The following NCOR1 variants were observed in gnomAD, a reference collection of about 807,000 sequenced individuals.
NCOR1 encodes protein phosphatase 1, regulatory subunit 109.
A neutral mutation model predicts 288.1 loss-of-function variants in NCOR1; 63 were observed. The ratio of observed to expected loss-of-function variants is 0.22; its 90% CI spans 0.18 to 0.27. The LOEUF is 0.27. NCOR1 is among the 10% of genes least tolerant of loss of function. NCOR1 has a pLI of 1.00. For missense variants in NCOR1, 2,397 were observed against 3,019.2 expected (o/e 0.79, Z 4.83); for synonymous variants, 1,007 against 1,065.9 (o/e 0.94, Z 1.08).
intron 2 of NCOR1, among the ~76,000 whole-genome samples, chr17:16,188,344 G>C (rs2087213869): frequency 6.6e-6 from 1 of 152,184 alleles, no homozygotes; most frequent in Non-Finnish European, 1.5e-5. Context: ...TGGCACAGTG[G>C]CTCATGCCTG....
chr17:16,053,893 C>T (rs1002548398), intron 40 of NCOR1, among the ~76,000 whole-genome samples: 4 of 151,828 alleles, frequency 2.6e-5, no homozygotes, highest in African/African-American at 9.7e-5. Flanking sequence ...TAAGGCCTCA[C>T]ACCTACAACT....
At chr17:16,040,209 GTTCT>G in intron 43 of NCOR1, 1 of 631,810 alleles carries the variant, frequency 1.6e-6, no homozygotes, top group Non-Finnish European at 2.9e-6. Flanking sequence ...TTTTGACAGT[GTTCT>G]TTAATAGTTT....
chr17:16,183,230 C>CAAAAAAAAAAAAAAAAAAAAAAAAAAA (rs59665102), intron 3 of NCOR1, among the ~76,000 whole-genome samples: 5 of 64,086 alleles, frequency 7.8e-5, no homozygotes, highest in East Asian at 4.1e-4. Flanking sequence ...AGCAATCAAA[C>CAAAAAAAAAAAAAAAAAAAAAAAAAAA]AAAAAAAAAA....
At chr17:16,107,310 G>A (rs1197616253) in intron 19 of NCOR1, among the ~76,000 whole-genome samples, 2 of 152,016 alleles carry the variant, frequency 1.3e-5, no homozygotes, top group East Asian at 1.9e-4. Flanking sequence ...TTGAAGACGA[G>A]GCCTTTAAGG....
At chr17:16,177,650 C>T (rs2084491076) in intron 3 of NCOR1, among the ~76,000 whole-genome samples, 1 of 152,098 alleles carries the variant, frequency 6.6e-6, no homozygotes, top group Admixed American at 6.6e-5. Context: ...GCTGTAACTG[C>T]CTCTGCTAAG....
chr17:16,184,829 G>T (rs544370364), intron 3 of NCOR1, among the ~76,000 whole-genome samples: 16 of 151,966 alleles, frequency 1.1e-4, no homozygotes, highest in African/African-American at 3.9e-4. Flanking sequence ...GTTTGTCAAT[G>T]AATGAATCAT....
intron 42 of NCOR1, among the ~76,000 whole-genome samples, chr17:16,044,179 A>G (rs1260396319): frequency 6.6e-6 from 1 of 151,726 alleles, no homozygotes. Flanking sequence ...AAAAAAAAAA[A>G]AAAAAAAAAG....
chr17:16,142,567 C>A (rs575395599), intron 11 of NCOR1, among the ~76,000 whole-genome samples: 1 of 152,100 alleles, frequency 6.6e-6, no homozygotes, highest in East Asian at 1.9e-4. Context: ...TCTTATTCTG[C>A]ATTTATTTAT....
Position 16,126,280 on chromosome 17 carries a change from T to G in NCOR1, c.1510-74A>C. ...GCTCCTTATAGTGTGATAAATTATG[T>G]CTATCTAAAAAAATTTTAAATGATT... is the stretch of plus-strand genomic sequence containing the variant. On this transcript the variant is annotated intron_variant, in intron 14 of 45. Coordinates refer to ENST00000268712, the MANE Select transcript of NCOR1 (RefSeq NM_006311.4). 2.2e-6 allele frequency: 3 copies of G among 1,392,008 alleles called. No homozygotes were observed. In the South Asian group the frequency reaches 5.4e-5, roughly 25 times the overall value. The allele number at this position is 1,392,008 out of a possible 1,614,324, so 86.2% of individuals were successfully genotyped here.
rs535265028 is a variant in NCOR1 at position 16,114,139 on chromosome 17, C to T, written c.2055+3749G>A. On this transcript the variant is annotated intron_variant, in intron 18 of 45. Transcript: ENST00000268712. ...CAAGTAACGTCTTACATGATGGCGG[C>T]AGGCAAAAAAAAAAAAAAAAAAAAA... 6.5e-4 allele frequency among the ~76,000 whole-genome samples: 19 copies of T among 29,180 alleles called. No homozygotes were observed. The East Asian group carries it at 8.4e-3, about 13-fold the overall frequency. 19.1% of individuals were successfully genotyped at this position (29,180 alleles called of 152,430 possible). A position where few individuals can be genotyped will look rare whatever the true frequency, so the allele number is the denominator to read the frequency against.
Position 16,105,284 on chromosome 17 carries a change from G to A in NCOR1, c.2182+3502C>T, listed in dbSNP as rs1225068982. On this transcript the variant is annotated intron_variant, in intron 19 of 45. Transcript: ENST00000268712. ...AAAAGTACATTAGTCAGGTGTGGTG[G>A]TACACGCCTATGGTCCCAGATACTT... Among the ~76,000 whole-genome samples, 7 of 152,264 alleles carry A rather than the reference G, an allele frequency of 4.6e-5. No homozygotes were observed. The South Asian group carries it at 1.2e-3, about 27-fold the overall frequency.
intron 42 of NCOR1, among the ~76,000 whole-genome samples, chr17:16,041,986 G>A (rs1050538797): frequency 5.9e-5 from 9 of 151,580 alleles, no homozygotes; most frequent in South Asian, 2.1e-4. Flanking sequence ...TGCCCGCCTC[G>A]GCCTCCCAAA....
intron 4 of NCOR1, among the ~76,000 whole-genome samples, chr17:16,168,227 T>A (rs901581926): frequency 2.0e-5 from 3 of 152,120 alleles, no homozygotes; most frequent in African/African-American, 7.2e-5. Context: ...TGAGATGAAG[T>A]CTCACTCTTG....
chr17:16,065,157 T>G, intron 33 of NCOR1, 138 bp from the exon 34 acceptor site: 1 of 839,702 alleles, frequency 1.2e-6, no homozygotes, highest in African/African-American at 1.7e-5. Context: ...CTATCATCAT[T>G]ACTTTTTAAG....
Position 16,057,576 on chromosome 17 carries a change from G to C in NCOR1, c.6330C>G (p.Val2110=). 6.2e-7 allele frequency: 1 copy of C among 1,614,114 alleles called. No homozygotes were observed. The highest frequency in any genetic ancestry group is 8.5e-7 in the Non-Finnish European group (1 of 1,180,024). The change falls in exon 40 of 46, where the codon GTC becomes GTG. Residue 2110 remains valine (V), a synonymous_variant. Transcript: ENST00000268712. The part of the protein sequence containing the change: ...RYSPESQAQS[V]HHQRPGSRVS... Reference sequence around the variant, plus strand: ...CCCTTGAACCTGGTCTTTGATGATGGACAGACTGAGCCTGGGATTCTGGGC... The same window carrying C: ...CCCTTGAACCTGGTCTTTGATGATGCACAGACTGAGCCTGGGATTCTGGGC...
At chr17:16,168,296 G>T (rs2082416765) in intron 4 of NCOR1, among the ~76,000 whole-genome samples, 1 of 152,132 alleles carries the variant, frequency 6.6e-6, no homozygotes, top group African/African-American at 2.4e-5. Flanking sequence ...CGCCTCCCAG[G>T]TTCAAGCGAT....
intron 45 of NCOR1, 132 bp downstream of exon 45, chr17:16,034,633 A>G (rs961177400): frequency 2.4e-6 from 2 of 824,020 alleles, no homozygotes; most frequent in African/African-American, 3.4e-5. Context: ...GGGAAAGTGG[A>G]ACATATTAAT....
rs188788553 is a variant in NCOR1 at position 16,185,733 on chromosome 17, G to T, written c.242+821C>A. 2.8e-3 allele frequency among the ~76,000 whole-genome samples: 409 copies of T among 148,254 alleles called. 2 individuals carry two copies. The highest frequency in any genetic ancestry group is 9.6e-3 in the African/African-American group (387 of 40,258). ...AAGAATTAACTATTTTGGGAGGTAG[G>T]GGTGGGTGGATCACTTGAGCTCAGG... On this transcript the variant is annotated intron_variant, in intron 3 of 45. Transcript: ENST00000268712.
Position 16,040,495 on chromosome 17 carries a change from C to G in NCOR1, c.6680-1G>C, listed in dbSNP as rs748056002. 1 of 1,612,994 alleles carries G rather than the reference C, an allele frequency of 6.2e-7. No homozygotes were observed. The highest frequency in any genetic ancestry group is 8.5e-7 in the Non-Finnish European group (1 of 1,179,488). ...ATCTCAGTTCCTGGCTGAGCAGCTG[C>G]TATATTTAAGCAAACATTCAAGTTA... On this transcript the variant is annotated splice_acceptor_variant, in intron 42 of 45. Coordinates refer to ENST00000268712, the MANE Select transcript of NCOR1 (RefSeq NM_006311.4). LOFTEE classifies it high-confidence loss of function.
Sources: gnomAD v4.1 joint callset for allele counts (sites outside exome capture counted in the v4.1 genomes callset) on GRCh38, gnomAD v4.1.1 for gene constraint, MANE v1.5 for transcripts, NCBI Gene and HGNC (gene_info 2026-07-23, HGNC 2026-07-21) for gene names.